PLS1: variants seen among roughly 807,000 people sequenced by gnomAD.
The protein encoded by PLS1 is plastin-1.
In PLS1, 32 loss-of-function variants were observed where a neutral mutation model predicts 73.7. The observed-to-expected ratio is 0.43, with a 90% CI of 0.33 to 0.58. The LOEUF (loss-of-function observed/expected upper bound fraction) is 0.58. Among genes scored for constraint, PLS1 ranks in the 20% least tolerant of loss-of-function variants. PLS1 has a pLI of 0.04. For synonymous variants in PLS1, 217 were observed against 261.3 expected (o/e 0.83, Z 1.63); for missense variants, 633 against 740.5 (o/e 0.85, Z 1.68).
intron 1 of PLS1, among the ~76,000 whole-genome samples, chr3:142,659,456 C>G (rs901683101): frequency 6.6e-6 from 1 of 152,048 alleles, no homozygotes; most frequent in Admixed American, 6.6e-5. Flanking sequence ...TATCAGTATT[C>G]AGTAATGTGT....
Position 142,689,749 on chromosome 3 carries a change from G to A in PLS1, c.1113G>A (p.Leu371=). ...PKLNLAFVAN[L]FNTYPCLHKP... ...TTAATTTAGCTTTTGTAGCTAATTT[G>A]TTTAACACATACCCGTGCCTGCACA... Residue 371 remains leucine, a synonymous_variant, in exon 10 of 16, where the codon TTG becomes TTA. Transcript: ENST00000457734. The A allele has an allele frequency of 1.9e-6, 3 of 1,610,822 alleles. No individual in the cohort carries two copies. The highest frequency in any genetic ancestry group is 2.5e-6 in the Non-Finnish European group (3 of 1,178,130).
chr3:142,624,769 A>G (rs1481125774), intron 1 of PLS1, among the ~76,000 whole-genome samples: 1 of 152,228 alleles, frequency 6.6e-6, no homozygotes, highest in Non-Finnish European at 1.5e-5. Flanking sequence ...CCAATTAACC[A>G]TGGAAAGTGA....
At chr3:142,611,719 A>G (rs892310352) in intron 1 of PLS1, among the ~76,000 whole-genome samples, 3 of 152,342 alleles carry the variant, frequency 2.0e-5, no homozygotes, top group African/African-American at 7.2e-5. Flanking sequence ...GCGCACACAC[A>G]TATTGCTTTT....
At chr3:142,641,354 A>G in intron 1 of PLS1, among the ~76,000 whole-genome samples, 1 of 148,630 alleles carries the variant, frequency 6.7e-6, no homozygotes. Context: ...GAAATATACA[A>G]GTATATAGAA....
chr3:142,694,567 T>A lies in PLS1; in HGVS notation c.1256+20T>A. ...GTACAGGTAAATATTTTATTGTGCTTCAGCTTTACTGTCAGGGTCCAACTT... is the reference window on the plus strand; with the variant it reads ...GTACAGGTAAATATTTTATTGTGCTACAGCTTTACTGTCAGGGTCCAACTT... On this transcript the variant is annotated intron_variant, in intron 11 of 15. Coordinates refer to ENST00000457734, the MANE Select transcript of PLS1 (RefSeq NM_001145319.2). 7.3e-7 allele frequency: 1 copy of A among 1,361,800 alleles called. No homozygotes were observed. The highest frequency in any genetic ancestry group is 1.0e-6 in the Non-Finnish European group (1 of 954,828). The allele number at this position is 1,361,800 out of a possible 1,614,324, so 84.4% of individuals were successfully genotyped here.
intron 1 of PLS1, among the ~76,000 whole-genome samples, chr3:142,648,846 A>G (rs2037016806): frequency 6.6e-6 from 1 of 152,164 alleles, no homozygotes; most frequent in South Asian, 2.1e-4. Context: ...ACAGCAAACT[A>G]TAGTGTGGGT....
chr3:142,604,840 C>T (rs2035990614), intron 1 of PLS1, among the ~76,000 whole-genome samples: 1 of 151,280 alleles, frequency 6.6e-6, no homozygotes, highest in Admixed American at 6.6e-5. Flanking sequence ...GAGACTGAGG[C>T]AGGAGAATGG....
chr3:142,696,199 C>A (rs777194341), intron 11 of PLS1, among the ~76,000 whole-genome samples: 4 of 152,192 alleles, frequency 2.6e-5, no homozygotes, highest in African/African-American at 7.2e-5. Flanking sequence ...CAGATTAAAT[C>A]GATTTGTTGA....
chr3:142,627,923 G>T (rs542942417), intron 1 of PLS1: 5 of 152,034 alleles, frequency 3.3e-5, no homozygotes, highest in African/African-American at 1.2e-4. Flanking sequence ...GAGCCACCAT[G>T]CTGGGCCAAT....
At chr3:142,707,811 T>C (rs901660828) in intron 14 of PLS1, among the ~76,000 whole-genome samples, 1 of 152,146 alleles carries the variant, frequency 6.6e-6, no homozygotes, top group Non-Finnish European at 1.5e-5. Flanking sequence ...AGCAATACTA[T>C]ATAAATCAGC....
chr3:142,637,106 G>T (rs1159355667), intron 1 of PLS1, among the ~76,000 whole-genome samples: 1 of 152,146 alleles, frequency 6.6e-6, no homozygotes, highest in Non-Finnish European at 1.5e-5. Context: ...ACACAGACTT[G>T]CACACAATAG....
At position 142,664,305 on chromosome 3, in the gene PLS1, T is replaced by C; in HGVS notation, c.68T>C (p.Ile23Thr). Residue 23 changes from isoleucine (I) to threonine (T), a missense_variant and splice_region_variant, in exon 2 of 16, where the codon ATA becomes ACA. Physicochemically the swap from Ile to Thr is moderately conservative, Grantham distance 89 (BLOSUM62 -1). Coordinates refer to ENST00000457734, the MANE Select transcript of PLS1 (RefSeq NM_001145319.2). ...GAACTACAAGAGGCATTTAATAAAATAGGTATGCTTGAGAAAAAGTAAATA... is the reference window on the plus strand; with the variant it reads ...GAACTACAAGAGGCATTTAATAAAACAGGTATGCTTGAGAAAAAGTAAATA... ...LEELQEAFNK[I>T]DIDNSGYVSD... 6.6e-7 allele frequency: 1 copy of C among 1,523,506 alleles called. No homozygotes were observed. Among genetic ancestry groups the C allele is most frequent in the Non-Finnish European group, 9.1e-7 (1 of 1,101,744 alleles). The allele number at this position is 1,523,506 out of a possible 1,614,324, so 94.4% of individuals were successfully genotyped here.
At chr3:142,672,464 TCCTGAGTAGCTGGGA>T (rs1012735286) in intron 4 of PLS1, among the ~76,000 whole-genome samples, 1 of 150,996 alleles carries the variant, frequency 6.6e-6, no homozygotes, top group Non-Finnish European at 1.5e-5. Context: ...TGCCTCAGCC[TCCTGAGTAGCTGGGA>T]CTACAGGTGC....
intron 1 of PLS1, among the ~76,000 whole-genome samples, chr3:142,607,893 T>C (rs1158158763): frequency 2.0e-5 from 3 of 152,032 alleles, no homozygotes; most frequent in Admixed American, 1.3e-4. Flanking sequence ...TTTTTTTTTA[T>C]CATTAGCCTG....
At chr3:142,650,548 C>T (rs1322260894) in intron 1 of PLS1, among the ~76,000 whole-genome samples, 2 of 152,062 alleles carry the variant, frequency 1.3e-5, no homozygotes, top group African/African-American at 4.8e-5. Flanking sequence ...CTTGTTGGCT[C>T]CAGCTGGATT....
intron 1 of PLS1, among the ~76,000 whole-genome samples, chr3:142,617,146 A>T (rs112864474): frequency 0.12 from 16,884 of 144,466 alleles, 959 homozygotes; most frequent in Non-Finnish European, 0.13. Flanking sequence ...GATTAGGAAG[A>T]TTTTTTTTTT....
intron 11 of PLS1, among the ~76,000 whole-genome samples, chr3:142,695,381 A>G (rs1281701032): frequency 2.6e-5 from 4 of 152,184 alleles, no homozygotes; most frequent in Admixed American, 1.3e-4. Flanking sequence ...GTTCTTTAAA[A>G]TTGAAAACCA....
At chr3:142,696,287 C>T (rs2038199936) in intron 11 of PLS1, among the ~76,000 whole-genome samples, 1 of 152,172 alleles carries the variant, frequency 6.6e-6, no homozygotes, top group Non-Finnish European at 1.5e-5. Flanking sequence ...TTGACCAAAC[C>T]TTTTAGCTAA....
intron 12 of PLS1, among the ~76,000 whole-genome samples, chr3:142,699,432 TG>T (rs1208033488): frequency 6.6e-6 from 1 of 152,142 alleles, no homozygotes; most frequent in Non-Finnish European, 1.5e-5. Context: ...CACTCCAGCC[TG>T]GGTGAGAAAG....
Sources: allele counts gnomAD v4.1 joint callset (sites outside exome capture counted in the v4.1 genomes callset), GRCh38; gene constraint gnomAD v4.1.1; transcripts MANE v1.5; gene names NCBI Gene and HGNC (gene_info 2026-07-23, HGNC 2026-07-21).